FLRT1: variants seen among roughly 807,000 people sequenced by gnomAD.
FLRT1 encodes the protein leucine-rich repeat transmembrane protein FLRT1.
FLRT1 carries 14 observed loss-of-function variants against 30.9 expected under a neutral mutation model. The ratio of observed to expected loss-of-function variants is 0.45; its 90% confidence interval spans 0.30 to 0.71. The LOEUF (loss-of-function observed/expected upper bound fraction) is 0.71, where lower values mean the gene tolerates loss of function less well. FLRT1 is among the 30% of genes least tolerant of loss of function. The pLI, the probability that FLRT1 is intolerant of heterozygous loss-of-function variation, is 0.08. For missense variants in FLRT1, 737 were observed against 949.2 expected (o/e 0.78, Z 2.94); for synonymous variants, 368 against 430.4 (o/e 0.85, Z 1.80).
chr11:64,057,573 C>G (rs1943812866), intron 1 of FLRT1, among the ~76,000 whole-genome samples: 1 of 152,210 alleles, frequency 6.6e-6, no homozygotes, highest in Admixed American at 6.5e-5. Context: ...GGCTGGCATC[C>G]TGAGGCCATC....
intron 1 of FLRT1, among the ~76,000 whole-genome samples, chr11:64,062,223 T>C (rs1943918635): frequency 3.3e-5 from 5 of 152,080 alleles, no homozygotes; most frequent in Admixed American, 2.6e-4. Context: ...CACCTCCCCT[T>C]TGCTTCTTGG....
chr11:64,118,463 G>C lies in FLRT1; in HGVS notation c.*171G>C. 1.5e-6 allele frequency: 1 copy of C among 658,006 alleles called. No homozygotes were observed. Among genetic ancestry groups the C allele is most frequent in the East Asian group, 3.0e-5 (1 of 33,410 alleles). The allele number at this position is 658,006 out of a possible 1,614,324, so 40.8% of individuals were successfully genotyped here. ...GCTGACGATTTTGTAGAACACAACA[G>C]TGACAATTTTTTTTAAAAGAATAGA... On this transcript the variant is annotated 3_prime_UTR_variant, in exon 3 of 3. Coordinates refer to ENST00000682287, the MANE Select transcript of FLRT1 (RefSeq NM_013280.5).
chr11:64,087,821 G>A (rs552364971), intron 1 of FLRT1, among the ~76,000 whole-genome samples: 3 of 152,248 alleles, frequency 2.0e-5, no homozygotes, highest in Admixed American at 6.5e-5. Flanking sequence ...TCTGCACTGT[G>A]GGGTCCACAG....
intron 2 of FLRT1, among the ~76,000 whole-genome samples, chr11:64,110,045 A>G (rs1944832871): frequency 6.6e-6 from 1 of 152,160 alleles, no homozygotes; most frequent in Non-Finnish European, 1.5e-5. Flanking sequence ...CTCTGCACAT[A>G]TAATGTCAGT....
At chr11:64,050,908 C>T (rs776244523) in intron 1 of FLRT1, among the ~76,000 whole-genome samples, 34 of 152,208 alleles carry the variant, frequency 2.2e-4, no homozygotes, top group African/African-American at 3.1e-4. Flanking sequence ...CCTGAGCCAC[C>T]GCGCCCGGCC....
chr11:64,057,006 C>T (rs1943798184), intron 1 of FLRT1, among the ~76,000 whole-genome samples: 1 of 152,202 alleles, frequency 6.6e-6, no homozygotes, highest in African/African-American at 2.4e-5. Flanking sequence ...GCTTCTGCGC[C>T]CGTGTCACCC....
intron 1 of FLRT1, among the ~76,000 whole-genome samples, chr11:64,048,100 C>G (rs376810583): frequency 6.6e-6 from 1 of 152,140 alleles, no homozygotes; most frequent in Non-Finnish European, 1.5e-5. Flanking sequence ...CCCTGGCCGG[C>G]GGGAGGCAGT....
chr11:64,049,784 G>C (rs1294481450), intron 1 of FLRT1, among the ~76,000 whole-genome samples: 1 of 152,198 alleles, frequency 6.6e-6, no homozygotes, highest in Non-Finnish European at 1.5e-5. Flanking sequence ...GCCAGCCTGT[G>C]GGGGACCCAC....
chr11:64,054,173 C>A (rs1282051380), intron 1 of FLRT1, among the ~76,000 whole-genome samples: 1 of 152,142 alleles, frequency 6.6e-6, no homozygotes, highest in African/African-American at 2.4e-5. Context: ...GGCAGGGAAG[C>A]GGAAAGGAGG....
chr11:64,040,259 G>A (rs1197147022), intron 1 of FLRT1, among the ~76,000 whole-genome samples: 1 of 152,164 alleles, frequency 6.6e-6, no homozygotes, highest in Non-Finnish European at 1.5e-5. Flanking sequence ...GGCCTGCTGA[G>A]GGGTGGGATT....
In FLRT1 at chr11:64,064,019, C is replaced by T. The variant is rs1295730935; in HGVS notation, c.-1038+27860C>T. Among the ~76,000 whole-genome samples, 1 of 152,146 alleles carries T rather than the reference C, an allele frequency of 6.6e-6. No homozygotes were observed. The highest frequency in any genetic ancestry group is 1.5e-5 in the Non-Finnish European group (1 of 68,026). ...TTGTCAGGCAGCCGCAGGGAGAGAG[C>T]GCATCTTCACTGGATCTTTGTAGGT... On this transcript the variant is annotated intron_variant, in intron 1 of 2. Coordinates refer to ENST00000682287, the MANE Select transcript of FLRT1 (RefSeq NM_013280.5). This position sits in a 1 kb window ranked among gnomAD's most constrained non-coding sequence, Gnocchi z 4.5.
At chr11:64,063,733 A>G (rs539991468) in intron 1 of FLRT1, among the ~76,000 whole-genome samples, 2 of 152,260 alleles carry the variant, frequency 1.3e-5, no homozygotes, top group African/African-American at 4.8e-5. Flanking sequence ...TCCCCCCTCC[A>G]TGGGCAGCCA....
At chr11:64,084,777 C>A (rs1168362843) in intron 1 of FLRT1, among the ~76,000 whole-genome samples, 1 of 152,194 alleles carries the variant, frequency 6.6e-6, no homozygotes, top group Non-Finnish European at 1.5e-5. Context: ...TCTCCCTCAC[C>A]CGCCAGCCCA....
At chr11:64,055,216 C>T (rs527820677) in intron 1 of FLRT1, among the ~76,000 whole-genome samples, 5 of 152,320 alleles carry the variant, frequency 3.3e-5, no homozygotes, top group Admixed American at 2.6e-4. Context: ...TCCTCTGGGC[C>T]GGGAGCAGGG....
At chr11:64,072,005 G>T (rs1944116721) in intron 1 of FLRT1, among the ~76,000 whole-genome samples, 1 of 152,228 alleles carries the variant, frequency 6.6e-6, no homozygotes, top group African/African-American at 2.4e-5. Flanking sequence ...GCTCCAGCAG[G>T]TCGATAGCAA....
intron 1 of FLRT1, among the ~76,000 whole-genome samples, chr11:64,048,974 A>G (rs1343584379): frequency 1.3e-5 from 2 of 152,214 alleles, no homozygotes; most frequent in Non-Finnish European, 2.9e-5. Flanking sequence ...TTTTAGAGCC[A>G]AGGAAACTGA....
chr11:64,086,114 A>G (rs939356542), intron 1 of FLRT1, among the ~76,000 whole-genome samples: 4 of 152,164 alleles, frequency 2.6e-5, no homozygotes, highest in Admixed American at 1.3e-4. Context: ...ATGAGCACTC[A>G]GCACTGGTGG....
At chr11:64,085,591 C>A (rs1944380228) in intron 1 of FLRT1, among the ~76,000 whole-genome samples, 1 of 152,226 alleles carries the variant, frequency 6.6e-6, no homozygotes, top group Non-Finnish European at 1.5e-5. Flanking sequence ...CCCCAGGCCG[C>A]AGCGTGGGCC....
intron 2 of FLRT1, among the ~76,000 whole-genome samples, chr11:64,114,050 T>TGATG: frequency 1.5e-5 from 1 of 68,270 alleles, no homozygotes; most frequent in African/African-American, 6.1e-5. Flanking sequence ...ATGCATGGGT[T>TGATG]GATGCATGGA....
Sources: gnomAD v4.1 joint callset for allele counts (sites outside exome capture counted in the v4.1 genomes callset) on GRCh38, gnomAD v4.1.1 for gene constraint, Gnocchi (gnomAD v3.1) non-coding constraint, MANE v1.5 for transcripts, NCBI Gene and HGNC (gene_info 2026-07-23, HGNC 2026-07-21) for gene names.